COL6A2: variants seen among roughly 807,000 people sequenced by gnomAD.
The protein encoded by COL6A2 is collagen type VI alpha 2 chain.
In COL6A2, 90 loss-of-function variants were observed where a neutral mutation model predicts 124.9. The ratio of observed to expected loss-of-function variants is 0.72; its 90% confidence interval spans 0.61 to 0.86. The LOEUF (loss-of-function observed/expected upper bound fraction) is 0.86. Among genes scored for constraint, COL6A2 ranks in the 40% least tolerant of loss-of-function variants. The pLI is 0.00. For missense variants in COL6A2, 1,607 were observed against 1,502.5 expected (o/e 1.07, Z -1.15); for synonymous variants, 793 against 618.2 (o/e 1.28, Z -4.19).
Position 46,104,004 on chromosome 21 carries a change from C to T in COL6A2, c.-28+5831C>T, listed in dbSNP as rs537794464. Among the ~76,000 whole-genome samples, 3 of 152,238 alleles carry T rather than the reference C, an allele frequency of 2.0e-5. No individual in the cohort carries two copies. In the South Asian group the frequency reaches 6.2e-4, roughly 32 times the overall value. Reference sequence around the variant, plus strand: ...CATTGCACATGCTCAGGGGAAGTCACGGGCTTAGAAAAGACCTAAGAAGAC... The same window carrying T: ...CATTGCACATGCTCAGGGGAAGTCATGGGCTTAGAAAAGACCTAAGAAGAC... On this transcript the variant is annotated intron_variant, in intron 1 of 27. Transcript: ENST00000300527.
At chr21:46,120,686 G>A (rs906002695) in intron 16 of COL6A2, 109 bp downstream of exon 16, 61 of 1,093,056 alleles carry the variant, frequency 5.6e-5, no homozygotes, top group Admixed American at 1.8e-4. Context: ...TAGGGGACCC[G>A]GGTGGGTGCT....
In COL6A2 at chr21:46,119,091, C is replaced by T. The variant is rs751591907; in HGVS notation, c.1241C>T (p.Pro414Leu). 1.9e-6 allele frequency: 3 copies of T among 1,612,400 alleles called. No homozygotes were observed. Among genetic ancestry groups the T allele is most frequent in the Non-Finnish European group, 8.5e-7 (1 of 1,179,852 alleles). The change falls in exon 14 of 28, where the codon CCT (proline) becomes CTT (leucine). Residue 414 changes from proline to leucine, a missense_variant. Physicochemically the swap from Pro to Leu is moderately conservative, Grantham distance 98. Transcript: ENST00000300527. ...GGTGTGAAAGGAGCCAAGGGCGGGC[C>T]TGGGCCCCGCGGACCCAAAGGCGAG... is the stretch of plus-strand genomic sequence containing the variant. ...SPGVKGAKGGPGPRGPKGEPG... is the reference protein window; with the variant it reads ...SPGVKGAKGGLGPRGPKGEPG...
At chr21:46,113,189 C>T (rs2078428411) in intron 4 of COL6A2, among the ~76,000 whole-genome samples, 1 of 152,068 alleles carries the variant, frequency 6.6e-6, no homozygotes, top group African/African-American at 2.4e-5. Context: ...TCCCCACCTC[C>T]CTGTGTGTCC....
At position 46,118,792 on chromosome 21, in the gene COL6A2, CTG is replaced by C; in HGVS notation, c.1179+117_1179+118del. On this transcript the variant is annotated intron_variant, in intron 13 of 27. Coordinates refer to ENST00000300527, the MANE Select transcript of COL6A2 (RefSeq NM_001849.4). ...TGTCACCATGGTGCCGCATTGGGCTCTGGGGACACGGGGAGGGACAGGAAGAA... is the reference window on the plus strand; with the variant it reads ...TGTCACCATGGTGCCGCATTGGGCTCGGGACACGGGGAGGGACAGGAAGAA... The C allele has an allele frequency of 3.1e-6, 4 of 1,289,780 alleles. No individual in the cohort carries two copies. In the Admixed American group the frequency reaches 7.9e-5, roughly 25 times the overall value. The allele number at this position is 1,289,780 out of a possible 1,614,324, so 79.9% of individuals were successfully genotyped here.
chr21:46,128,766 A>C, intron 27 of COL6A2: 1 of 791,656 alleles, frequency 1.3e-6, no homozygotes, highest in Non-Finnish European at 2.3e-6. Context: ...TAGAGGACTC[A>C]CATCCCAGAG....
chr21:46,129,123 G>T, intron 27 of COL6A2: 2 of 1,607,860 alleles, frequency 1.2e-6, no homozygotes, highest in Non-Finnish European at 1.7e-6. Context: ...CTCGCTGAGC[G>T]GCTGCCCGAG....
chr21:46,106,042 C>T lies in COL6A2; in HGVS notation c.-27-5408C>T, dbSNP rs114842943. 1.1e-3 allele frequency among the ~76,000 whole-genome samples: 168 copies of T among 152,314 alleles called. 1 individual carries two copies. The highest frequency in any genetic ancestry group is 3.9e-3 in the African/African-American group (164 of 41,576). ...TTGACAGTGAAAGGATGGGCAATGA[C>T]ATGCCACACAAATAGTAACCAAAAG... On this transcript the variant is annotated intron_variant, in intron 1 of 27. Coordinates refer to ENST00000300527, the MANE Select transcript of COL6A2 (RefSeq NM_001849.4).
At chr21:46,121,415 A>G (rs1454036378) in intron 17 of COL6A2, 141 bp from the exon 18 acceptor site, 3 of 844,356 alleles carry the variant, frequency 3.6e-6, no homozygotes, top group African/African-American at 3.4e-5. Flanking sequence ...CTCAAGACAG[A>G]GGTCCACGGC....
intron 13 of COL6A2, 141 bp downstream of exon 13, chr21:46,118,817 G>C: frequency 1.7e-6 from 2 of 1,143,442 alleles, no homozygotes; most frequent in Non-Finnish European, 2.6e-6. Context: ...GGGACAGGAA[G>C]AACAGGCCAT....
chr21:46,122,923 G>A lies in COL6A2; in HGVS notation c.1657G>A (p.Glu553Lys), dbSNP rs766710257. 8 of 1,613,078 alleles carry A rather than the reference G, an allele frequency of 5.0e-6. No homozygotes were observed. The East Asian group carries it at 1.6e-4, about 31-fold the overall frequency. The part of the protein sequence containing the change: ...GLKGEPGRKG[E>K]KGEPADPGPP... ...GAAAGGAGAACCTGGGAGGAAAGGAGAGAAAGGAGAGCCTGTGAGTGTCAC... is the reference window on the plus strand; with the variant it reads ...GAAAGGAGAACCTGGGAGGAAAGGAAAGAAAGGAGAGCCTGTGAGTGTCAC... The change falls in exon 21 of 28, where the codon GAG becomes AAG. Residue 553 changes from glutamate (E) to lysine (K), a missense_variant. Physicochemically the swap from Glu to Lys is moderately conservative, Grantham distance 56. Coordinates refer to ENST00000300527, the MANE Select transcript of COL6A2 (RefSeq NM_001849.4).
intron 1 of COL6A2, among the ~76,000 whole-genome samples, chr21:46,111,141 C>T (rs546950893): frequency 6.6e-6 from 1 of 152,104 alleles, no homozygotes; most frequent in Admixed American, 6.5e-5. Flanking sequence ...TCCATGCCGA[C>T]GCGCCCAGCT....
intron 11 of COL6A2, 91 bp downstream of exon 11, chr21:46,117,544 C>T (rs1040879903): frequency 1.1e-5 from 14 of 1,305,074 alleles, no homozygotes; most frequent in East Asian, 9.6e-5. Context: ...GCAGTGGGAG[C>T]GTGGGTTCTC....
intron 1 of COL6A2, among the ~76,000 whole-genome samples, chr21:46,100,370 A>G (rs188938265): frequency 2.0e-5 from 3 of 152,086 alleles, no homozygotes; most frequent in Admixed American, 6.5e-5. Context: ...TATTGATTTG[A>G]AAAAGCTTTA....
chr21:46,102,220 A>G (rs1040515252), intron 1 of COL6A2, among the ~76,000 whole-genome samples: 3 of 152,146 alleles, frequency 2.0e-5, no homozygotes, highest in Admixed American at 6.5e-5. Context: ...ATAGAAATAC[A>G]AGTGATTTTT....
Position 46,112,090 on chromosome 21 carries a change from A to T in COL6A2, c.227A>T (p.Gln76Leu). ...LLFHMKQFVP[Q>L]FISQLQNEFY... ...TTCCACATGAAGCAGTTCGTGCCGC[A>T]GTTCATCAGCCAGCTGCAGAACGAG... The change falls in exon 3 of 28, where the codon CAG (glutamine) becomes CTG (leucine). Residue 76 changes from glutamine to leucine, a missense_variant. Coordinates refer to ENST00000300527, the MANE Select transcript of COL6A2 (RefSeq NM_001849.4). The T allele has an allele frequency of 1.2e-6, 2 of 1,613,172 alleles. No homozygotes were observed. The highest frequency in any genetic ancestry group is 2.7e-5 in the African/African-American group (2 of 75,032).
intron 1 of COL6A2, among the ~76,000 whole-genome samples, chr21:46,101,405 A>G (rs1018724731): frequency 2.0e-5 from 3 of 152,174 alleles, no homozygotes; most frequent in African/African-American, 7.2e-5. Flanking sequence ...GATGCAAAAA[A>G]TGTTTTTAAA....
rs2078632046 is a variant in COL6A2 at position 46,124,694 on chromosome 21, G to C, written c.1715G>C (p.Arg572Thr). Residue 572 changes from arginine (R) to threonine (T), a missense_variant, in exon 22 of 28, where the codon AGA becomes ACA. Transcript: ENST00000300527. The stretch of plus-strand genomic sequence containing the variant: ...GGTGAGCCAGGCCCTCGGGGGCCAA[G>C]AGGAGTCCCAGGACCCGAGGTAGGT... ...PPGEPGPRGP[R>T]GVPGPEGEPG... The C allele has an allele frequency of 6.2e-7, 1 of 1,612,808 alleles. No homozygotes were observed. Among genetic ancestry groups the C allele is most frequent in the Admixed American group, 1.7e-5 (1 of 59,986 alleles).
At chr21:46,126,270 G>A in intron 26 of COL6A2, 33 bp downstream of exon 26, 2 of 1,594,034 alleles carry the variant, frequency 1.3e-6, no homozygotes, top group Admixed American at 1.7e-5. Flanking sequence ...GTCGGCCGAG[G>A]AGCAGCAGGC....
intron 1 of COL6A2, among the ~76,000 whole-genome samples, chr21:46,109,978 A>G (rs376382646): frequency 3.1e-4 from 47 of 152,238 alleles, no homozygotes; most frequent in African/African-American, 1.0e-3. Context: ...GTACCTGGGG[A>G]ACTCTCACCT....
Sources: gnomAD v4.1 joint callset for allele counts (sites outside exome capture counted in the v4.1 genomes callset) on GRCh38, gnomAD v4.1.1 for gene constraint, MANE v1.5 for transcripts, NCBI Gene and HGNC (gene_info 2026-07-23, HGNC 2026-07-21) for gene names.